Variants in PLEKHG4B observed in about 807,000 individuals in gnomAD.
The protein encoded by PLEKHG4B is pleckstrin homology domain-containing family G member 4B.
A neutral mutation model predicts 121.3 loss-of-function variants in PLEKHG4B; 111 were observed. The observed-to-expected ratio is 0.92, with a 90% confidence interval of 0.78 to 1.07. The LOEUF (loss-of-function observed/expected upper bound fraction) is 1.07, where lower values mean the gene tolerates loss of function less well. PLEKHG4B is among the 50% of genes least tolerant of loss of function. The pLI is 0.00. For missense variants in PLEKHG4B, 1,831 were observed against 1,757.8 expected, an observed-to-expected ratio of 1.04 and a Z score of -0.74; for synonymous variants, 738 against 725.0, an observed-to-expected ratio of 1.02 and a Z score of -0.29.
intron 6 of PLEKHG4B, among the ~76,000 whole-genome samples, chr5:150,217 T>C (rs1357364734): frequency 6.6e-6 from 1 of 152,194 alleles, no homozygotes; most frequent in Non-Finnish European, 1.5e-5. Context: ...TGCCACAGCA[T>C]GTATGAATCT....
At position 101,447 on chromosome 5, in the gene PLEKHG4B, G is replaced by T. The variant is rs2940231; in HGVS notation, c.45+9171G>T. ...TGTGAGGTAAATCCATATAAAGCCC[G>T]GGGAAAAGCCTGTAGGGGAGAGACT... On this transcript the variant is annotated intron_variant, in intron 1 of 19. Coordinates refer to ENST00000637938, the MANE Select transcript of PLEKHG4B (RefSeq NM_052909.5). 1.7e-3 allele frequency among the ~76,000 whole-genome samples: 115 copies of T among 69,420 alleles called. 1 individual carries two copies. Among genetic ancestry groups the T allele is most frequent in the East Asian group, 4.8e-3 (13 of 2,732 alleles). 45.5% of individuals were successfully genotyped at this position (69,420 alleles called of 152,430 possible).
intron 6 of PLEKHG4B, among the ~76,000 whole-genome samples, chr5:147,180 C>T (rs1293874410): frequency 6.6e-6 from 1 of 152,220 alleles, no homozygotes; most frequent in East Asian, 1.9e-4. Flanking sequence ...ACAAGAAGTG[C>T]CATGAGTTGG....
At position 155,450 on chromosome 5, in the gene PLEKHG4B, C is replaced by T. The variant is rs1735744226; in HGVS notation, c.2208+7C>T. On this transcript the variant is annotated splice_region_variant and intron_variant, in intron 9 of 19. Transcript: ENST00000637938. Reference sequence around the variant, plus strand: ...AACCCCAAGAACAGCCCAGGTGAGTCCTCAGACTTGCAGGTAAGTTCATTT... The same window carrying T: ...AACCCCAAGAACAGCCCAGGTGAGTTCTCAGACTTGCAGGTAAGTTCATTT... 1 of 1,608,836 alleles carries T rather than the reference C, an allele frequency of 6.2e-7. No individual in the cohort carries two copies. Among genetic ancestry groups the T allele is most frequent in the Non-Finnish European group, 8.5e-7 (1 of 1,175,312 alleles).
At chr5:102,287 TTTA>T (rs1733844605) in intron 1 of PLEKHG4B, among the ~76,000 whole-genome samples, 1 of 152,196 alleles carries the variant, frequency 6.6e-6, no homozygotes, top group South Asian at 2.1e-4. Context: ...TTTCTGTCAT[TTTA>T]TTATTGTTAT....
chr5:171,081 C>G lies in PLEKHG4B; in HGVS notation c.3768C>G (p.Asn1256Lys), dbSNP rs752629159. Reference sequence around the variant, plus strand: ...GGATGTACGTGATCTACAGCAAAAACAAGCCGCAGTCGGATGCCCTGCTCA... The same window carrying G: ...GGATGTACGTGATCTACAGCAAAAAGAAGCCGCAGTCGGATGCCCTGCTCA... ...QFGMYVIYSK[N>K]KPQSDALLSS... is the part of the protein sequence containing the mutation. The change falls in exon 15 of 20, where the codon AAC (asparagine) becomes AAG (lysine). Residue 1256 changes from asparagine (N) to lysine (K), a missense_variant. Physicochemically the swap from Asn to Lys is moderately conservative, Grantham distance 94. Coordinates refer to ENST00000637938, the MANE Select transcript of PLEKHG4B (RefSeq NM_052909.5). 1 of 1,613,412 alleles carries G rather than the reference C, an allele frequency of 6.2e-7. No individual in the cohort carries two copies. The highest frequency in any genetic ancestry group is 8.5e-7 in the Non-Finnish European group (1 of 1,179,890).
intron 2 of PLEKHG4B, among the ~76,000 whole-genome samples, chr5:133,893 C>T (rs533076602): frequency 1.4e-5 from 2 of 143,590 alleles, no homozygotes; most frequent in African/African-American, 5.5e-5. Context: ...GCCCACCAAT[C>T]GAGTGGATAA....
intron 1 of PLEKHG4B, among the ~76,000 whole-genome samples, chr5:95,242 G>T (rs1045080298): frequency 1.3e-5 from 2 of 152,158 alleles, no homozygotes; most frequent in African/African-American, 4.8e-5. Flanking sequence ...CCTGGACGTG[G>T]GTTCTGCACT....
Position 162,703 on chromosome 5 carries a change from A to T in PLEKHG4B, c.2650-19A>T. On this transcript the variant is annotated intron_variant, in intron 12 of 19. Transcript: ENST00000637938. ...GCCCCTCCTCCACTGCACTGAGCAGAGCCCTCCTTGTCCCACAGGTGAGCA... is the reference window on the plus strand; with the variant it reads ...GCCCCTCCTCCACTGCACTGAGCAGTGCCCTCCTTGTCCCACAGGTGAGCA... The T allele has an allele frequency of 6.9e-7, 1 of 1,439,214 alleles. No individual in the cohort carries two copies. The allele number at this position is 1,439,214 out of a possible 1,614,324, so 89.2% of individuals were successfully genotyped here.
Position 156,010 on chromosome 5 carries a change from T to G in PLEKHG4B, c.2209-61T>G. On this transcript the variant is annotated intron_variant, in intron 9 of 19. Transcript: ENST00000637938. The surrounding 1 kb of genome is among the most constrained non-coding windows in gnomAD (Gnocchi z 4.4). The stretch of plus-strand genomic sequence containing the variant: ...CAGGACATTCCTGCCACTGTCACAC[T>G]TGGGAGGACCTGCCCCTTGGAGGAG... 7.0e-7 allele frequency: 1 copy of G among 1,435,612 alleles called. No individual in the cohort carries two copies. Among genetic ancestry groups the G allele is most frequent in the South Asian group, 1.5e-5 (1 of 64,744 alleles). 88.9% of individuals were successfully genotyped at this position (1,435,612 alleles called of 1,614,324 possible). A position where few individuals can be genotyped will look rare whatever the true frequency, so the allele number is the denominator to read the frequency against.
chr5:171,335 T>A lies in PLEKHG4B; in HGVS notation c.3941T>A (p.Leu1314Gln). The A allele has an allele frequency of 6.2e-7, 1 of 1,612,522 alleles. No individual in the cohort carries two copies. Residue 1314 changes from leucine (L) to glutamine (Q), a missense_variant, in exon 16 of 20, where the codon CTG becomes CAG. By Grantham distance (113) the Leu-to-Gln change is moderately radical. Coordinates refer to ENST00000637938, the MANE Select transcript of PLEKHG4B (RefSeq NM_052909.5). ...CTGCTCAAGGAGGCCAGCTGTGGCC[T>A]GGCCCAGGGGCAGGAGCTGGGCGAG... ...QDLLKEASCG[L>Q]AQGQELGELR...
intron 1 of PLEKHG4B, among the ~76,000 whole-genome samples, chr5:105,244 A>G (rs535228954): frequency 6.6e-6 from 1 of 152,148 alleles, no homozygotes; most frequent in African/African-American, 2.4e-5. Flanking sequence ...GATTCCCGTC[A>G]TGGCTGTGGA....
chr5:145,412 G>T (rs1735374902), intron 6 of PLEKHG4B, among the ~76,000 whole-genome samples: 1 of 152,166 alleles, frequency 6.6e-6, no homozygotes, highest in East Asian at 1.9e-4. Flanking sequence ...CCCCAGACAG[G>T]GTCAATGCCA....
At position 162,814 on chromosome 5, in the gene PLEKHG4B, G is replaced by C. The variant is rs75342794; in HGVS notation, c.2742G>C (p.Ser914=). 14,433 of 1,505,024 alleles carry C rather than the reference G, an allele frequency of 9.6e-3. 1,184 individuals are homozygous for C. The African/African-American group carries it at 0.18, about 18-fold the overall frequency. The allele number at this position is 1,505,024 out of a possible 1,614,324, so 93.2% of individuals were successfully genotyped here. Residue 914 remains serine (S), a synonymous_variant, in exon 13 of 20, where the codon TCG becomes TCC. Coordinates refer to ENST00000637938, the MANE Select transcript of PLEKHG4B (RefSeq NM_052909.5). Reference sequence around the variant, plus strand: ...GGAGCTGTCACCAGGAGGCTACCTCGGTGGCTGCAGAGGCCTTCCCCGGGG... The same window carrying C: ...GGAGCTGTCACCAGGAGGCTACCTCCGTGGCTGCAGAGGCCTTCCCCGGGG... ...CLRSCHQEAT[S]VAAEAFPGAG...
chr5:142,291 G>T (rs1450123319), intron 3 of PLEKHG4B, among the ~76,000 whole-genome samples: 1 of 152,020 alleles, frequency 6.6e-6, no homozygotes, highest in Non-Finnish European at 1.5e-5. Flanking sequence ...CAATCTTGCA[G>T]CACCCCTCGC....
rs532078476 is a variant in PLEKHG4B, at chr5:105,772, T to A, written c.46-7479T>A. The stretch of plus-strand genomic sequence containing the variant: ...AATTAAGCCGACACATTTTGAGGAC[T>A]TTTTTTTTCTACCTAATGGTTTTCA... On this transcript the variant is annotated intron_variant, in intron 1 of 19. Transcript: ENST00000637938. 2.4e-4 allele frequency among the ~76,000 whole-genome samples: 37 copies of A among 151,960 alleles called. No individual in the cohort carries two copies. The East Asian group carries it at 7.0e-3, about 29-fold the overall frequency.
intron 2 of PLEKHG4B, among the ~76,000 whole-genome samples, chr5:119,173 A>C (rs751521540): frequency 6.6e-6 from 1 of 152,080 alleles, no homozygotes; most frequent in African/African-American, 2.4e-5. Context: ...TTAAGTGTAC[A>C]TGTAGCTTAC....
chr5:179,838 C>T (rs1231220768), intron 18 of PLEKHG4B: 3 of 152,266 alleles, frequency 2.0e-5, no homozygotes, highest in African/African-American at 7.2e-5. Flanking sequence ...GTGTTTTCCA[C>T]TCATCTTAAA....
rs1299567591 is a variant in PLEKHG4B, at chr5:143,486, C to T, written c.1794C>T (p.Tyr598=). Residue 598 remains tyrosine, a synonymous_variant, in exon 5 of 20, where the codon TAC becomes TAT. Coordinates refer to ENST00000637938, the MANE Select transcript of PLEKHG4B (RefSeq NM_052909.5). The stretch of plus-strand genomic sequence containing the variant: ...CTGAGCTGACCCGCCTGCTGCTGTA[C>T]TTCCATAGCATCCCCAGGTGGGACG... The part of the protein sequence containing the change: ...SCAELTRLLL[Y]FHSIPRKEVR... 1.9e-6 allele frequency: 3 copies of T among 1,612,754 alleles called. No homozygotes were observed. Among genetic ancestry groups the T allele is most frequent in the African/African-American group, 1.3e-5 (1 of 74,934 alleles).
intron 2 of PLEKHG4B, among the ~76,000 whole-genome samples, chr5:120,863 C>G (rs1734444675): frequency 6.6e-6 from 1 of 152,144 alleles, no homozygotes; most frequent in Admixed American, 6.5e-5. Flanking sequence ...TTCTTAAAAA[C>G]TATAATAAAT....
Sources: allele counts gnomAD v4.1 joint callset (sites outside exome capture counted in the v4.1 genomes callset), GRCh38; gene constraint gnomAD v4.1.1; non-coding constraint Gnocchi (gnomAD v3.1); transcripts MANE v1.5; gene names NCBI Gene and HGNC (gene_info 2026-07-23, HGNC 2026-07-21).